The following SPATA16 variants were observed in gnomAD, a reference collection of about 807,000 sequenced individuals.
The protein encoded by SPATA16 is spermatogenesis-associated protein 16.
In SPATA16, 36 loss-of-function variants were observed where a neutral mutation model predicts 63.3. That is an observed-to-expected ratio of 0.57 (90% CI 0.44 to 0.75). The LOEUF (loss-of-function observed/expected upper bound fraction) is 0.75, where lower values mean the gene tolerates loss of function less well. SPATA16 is among the 30% of genes least tolerant of loss of function. The probability of loss-of-function intolerance (pLI) is 0.00; values close to 1 mark genes in which losing one functional copy is unlikely to be tolerated. For missense variants in SPATA16, 646 were observed against 679.3 expected (o/e 0.95, Z 0.54); for synonymous variants, 203 against 216.7 (o/e 0.94, Z 0.56).
At chr3:173,099,257 TGAGAGA>T (rs915573106) in intron 2 of SPATA16, among the ~76,000 whole-genome samples, 1 of 140,000 alleles carries the variant, frequency 7.1e-6, no homozygotes, top group Non-Finnish European at 1.6e-5. Flanking sequence ...AGAGAGAGAG[TGAGAGA>T]GAGAGAGAGA....
intron 6 of SPATA16, among the ~76,000 whole-genome samples, chr3:172,941,265 A>G (rs1733141236): frequency 6.6e-6 from 1 of 152,242 alleles, no homozygotes; most frequent in Non-Finnish European, 1.5e-5. Context: ...GAATGAGAGA[A>G]TAGAAAGAAT....
intron 6 of SPATA16, among the ~76,000 whole-genome samples, chr3:172,934,382 A>G (rs781396010): frequency 2.3e-4 from 35 of 152,176 alleles, no homozygotes; most frequent in Non-Finnish European, 4.6e-4. Flanking sequence ...AGATCAAAAG[A>G]AAAATTAAGA....
chr3:172,947,627 A>G (rs1050670828), intron 6 of SPATA16, among the ~76,000 whole-genome samples: 1 of 152,128 alleles, frequency 6.6e-6, no homozygotes. Context: ...TTGTCTTTGC[A>G]GGGACATGGA....
At chr3:173,120,564 T>A (rs185171379) in intron 1 of SPATA16, among the ~76,000 whole-genome samples, 113 of 152,322 alleles carry the variant, frequency 7.4e-4, no homozygotes, top group Middle Eastern at 3.4e-3. Context: ...TAGTTGATTG[T>A]CATTAGTAAC....
intron 2 of SPATA16, among the ~76,000 whole-genome samples, chr3:173,112,342 C>T (rs376110696): frequency 6.6e-6 from 1 of 152,206 alleles, no homozygotes; most frequent in Non-Finnish European, 1.5e-5. Context: ...GCAATGTGCA[C>T]AAGGACCATC....
rs542458624 is a variant in SPATA16, at chr3:172,953,046, A to G, written c.1081+3631T>C. ...TCCCAAACTGCTCTGTTTATCCTAC[A>G]TAATTCTTTTAATTAGAGTCAGCCT... On this transcript the variant is annotated intron_variant, in intron 6 of 10. Transcript: ENST00000351008. 3.3e-5 allele frequency among the ~76,000 whole-genome samples: 5 copies of G among 152,222 alleles called. No individual in the cohort carries two copies. In the South Asian group the frequency reaches 6.2e-4, roughly 19 times the overall value.
chr3:173,100,950 A>T (rs1375737242), intron 2 of SPATA16, among the ~76,000 whole-genome samples: 1 of 152,146 alleles, frequency 6.6e-6, no homozygotes, highest in Admixed American at 6.6e-5. Flanking sequence ...TGTATTACAA[A>T]AGCAATTTAT....
At chr3:173,066,617 G>A (rs189033061) in intron 2 of SPATA16, among the ~76,000 whole-genome samples, 16 of 152,308 alleles carry the variant, frequency 1.1e-4, no homozygotes, top group Non-Finnish European at 2.4e-4. Context: ...ACCTAGTGCT[G>A]AAATGGCTGC....
chr3:172,916,368 C>T lies in SPATA16; in HGVS notation c.1452G>A (p.Glu484=), dbSNP rs909065978. The T allele has an allele frequency of 1.2e-6, 2 of 1,613,818 alleles. No homozygotes were observed. The highest frequency in any genetic ancestry group is 2.7e-5 in the African/African-American group (2 of 75,002). Residue 484 remains glutamate (E), a synonymous_variant, in exon 9 of 11, where the codon GAG becomes GAA. Coordinates refer to ENST00000351008, the MANE Select transcript of SPATA16 (RefSeq NM_031955.6). ...CCTGTAGGTAGGGAATGGTTGCTAG[C>T]TCTGCCATTGCTTGATTAATCACCT... ...QSQVINQAMA[E]LATIPYLQDI... is the part of the protein sequence containing the mutation.
chr3:173,011,313 A>G lies in SPATA16; in HGVS notation c.848+8173T>C, dbSNP rs535351840. Among the ~76,000 whole-genome samples the G allele has an allele frequency of 2.6e-5, 4 of 152,342 alleles. No homozygotes were observed. In the South Asian group the frequency reaches 8.3e-4, roughly 32 times the overall value. On this transcript the variant is annotated intron_variant, in intron 4 of 10. Coordinates refer to ENST00000351008, the MANE Select transcript of SPATA16 (RefSeq NM_031955.6). ...AAACAGAATTAAACACAAAAACCAT[A>G]TTATCATCTAAATAGACACAGAAAA...
At chr3:173,015,112 G>A (rs531860003) in intron 4 of SPATA16, among the ~76,000 whole-genome samples, 1 of 146,938 alleles carries the variant, frequency 6.8e-6, no homozygotes, top group Non-Finnish European at 1.5e-5. Context: ...CGCCCAGGCT[G>A]GACTGCAATG....
intron 2 of SPATA16, among the ~76,000 whole-genome samples, chr3:173,083,448 A>G (rs530594340): frequency 3.9e-4 from 60 of 152,338 alleles, no homozygotes; most frequent in Non-Finnish European, 7.6e-4. Context: ...TTTAAGTGAA[A>G]AATGTACAAT....
intron 5 of SPATA16, among the ~76,000 whole-genome samples, chr3:172,971,723 T>C (rs1734051391): frequency 6.6e-6 from 1 of 152,184 alleles, no homozygotes; most frequent in Non-Finnish European, 1.5e-5. Context: ...AAGAAGACTC[T>C]GGACACTATT....
intron 3 of SPATA16, among the ~76,000 whole-genome samples, chr3:173,035,741 C>G (rs1354846150): frequency 6.6e-6 from 1 of 152,036 alleles, no homozygotes; most frequent in Non-Finnish European, 1.5e-5. Flanking sequence ...TGCAAATTTT[C>G]TATAGGTTCC....
intron 4 of SPATA16, among the ~76,000 whole-genome samples, chr3:173,006,138 T>G (rs1318275088): frequency 6.6e-6 from 1 of 152,210 alleles, no homozygotes; most frequent in Non-Finnish European, 1.5e-5. Context: ...TCTGTCTTTA[T>G]TAATGTCAGT....
chr3:173,099,074 A>C (rs1208444795), intron 2 of SPATA16, among the ~76,000 whole-genome samples: 2 of 152,180 alleles, frequency 1.3e-5, no homozygotes, highest in Admixed American at 6.6e-5. Flanking sequence ...ATGACTCAGG[A>C]TCACCTGAAG....
intron 4 of SPATA16, among the ~76,000 whole-genome samples, chr3:172,994,771 A>G (rs1734659444): frequency 6.6e-6 from 1 of 152,182 alleles, no homozygotes; most frequent in African/African-American, 2.4e-5. Context: ...TGGTGTGAAT[A>G]TATTCCACAT....
intron 2 of SPATA16, among the ~76,000 whole-genome samples, chr3:173,069,287 A>G (rs1367024405): frequency 6.6e-6 from 1 of 152,100 alleles, no homozygotes; most frequent in Non-Finnish European, 1.5e-5. Flanking sequence ...ATAAAATTGG[A>G]GACAAAAAAG....
intron 5 of SPATA16, among the ~76,000 whole-genome samples, chr3:172,957,264 G>T (rs1209100532): frequency 2.0e-5 from 3 of 152,024 alleles, no homozygotes; most frequent in African/African-American, 7.2e-5. Context: ...AAACTAGACA[G>T]ACGGTATTTT....
Sources: gnomAD v4.1 joint callset for allele counts (sites outside exome capture counted in the v4.1 genomes callset) on GRCh38, gnomAD v4.1.1 for gene constraint, MANE v1.5 for transcripts, NCBI Gene and HGNC (gene_info 2026-07-23, HGNC 2026-07-21) for gene names.